Variants in PREX2 observed in about 807,000 individuals in gnomAD.
The protein encoded by PREX2 is phosphatidylinositol-3,4,5-trisphosphate dependent Rac exchange factor 2.
In PREX2, 107 loss-of-function variants were observed where a neutral mutation model predicts 203.2. The ratio of observed to expected loss-of-function variants is 0.53; its 90% CI spans 0.45 to 0.62. PREX2 has a LOEUF of 0.62. PREX2 is among the 20% of genes least tolerant of loss of function. The pLI is 0.00. For missense variants in PREX2, 1,777 were observed against 1,955.9 expected, an observed-to-expected ratio of 0.91 and a Z score of 1.72; for synonymous variants, 672 against 663.6, an observed-to-expected ratio of 1.01 and a Z score of -0.19.
At chr8:68,105,011 G>A (rs921132008) in intron 23 of PREX2, 2 of 618,906 alleles carry the variant, frequency 3.2e-6, no homozygotes, top group African/African-American at 1.9e-5. Context: ...AGATTAATGA[G>A]TTCAGTGTTT....
intron 5 of PREX2, among the ~76,000 whole-genome samples, chr8:68,029,821 G>T (rs1289216859): frequency 1.3e-5 from 2 of 151,920 alleles, no homozygotes; most frequent in Non-Finnish European, 2.9e-5. Context: ...TTGATGAATG[G>T]GAAAAATATA....
At chr8:67,976,796 G>GGA (rs149222768) in intron 1 of PREX2, among the ~76,000 whole-genome samples, 14 of 130,432 alleles carry the variant, frequency 1.1e-4, no homozygotes, top group African/African-American at 1.9e-4. Context: ...GAGCGAGAGG[G>GGA]GAGAGAGAGA....
intron 37 of PREX2, among the ~76,000 whole-genome samples, chr8:68,205,319 G>A (rs1423975109): frequency 1.3e-5 from 2 of 152,080 alleles, no homozygotes. Context: ...CCACATAAAA[G>A]TATTTATGTG....
rs542301833 is a variant in PREX2, at chr8:68,124,552, C to T, written c.3725-2826C>T. On this transcript the variant is annotated intron_variant, in intron 30 of 39. Coordinates refer to ENST00000288368, the MANE Select transcript of PREX2 (RefSeq NM_024870.4). ...TACTTAATGGGTATTAGGCTTAATA[C>T]CTGGGTGATGAAATAATCTGTACAA... Among the ~76,000 whole-genome samples the T allele has an allele frequency of 2.0e-5, 3 of 152,040 alleles. No individual in the cohort carries two copies. The South Asian group carries it at 6.2e-4, about 32-fold the overall frequency.
chr8:68,194,628 T>TAA (rs58657916), intron 37 of PREX2, among the ~76,000 whole-genome samples: 4 of 139,388 alleles, frequency 2.9e-5, no homozygotes, highest in African/African-American at 8.1e-5. Flanking sequence ...TCATCTCTAC[T>TAA]AAAAAAAAAA....
intron 14 of PREX2, among the ~76,000 whole-genome samples, chr8:68,074,810 C>A (rs1239593907): frequency 3.9e-5 from 6 of 152,132 alleles, no homozygotes; most frequent in African/African-American, 1.2e-4. Context: ...AGTAAAAAAA[C>A]TGGCTCTACT....
chr8:68,047,201 T>G (rs1028322891), intron 8 of PREX2, among the ~76,000 whole-genome samples: 3 of 151,940 alleles, frequency 2.0e-5, no homozygotes, highest in African/African-American at 7.3e-5. Context: ...CTTTGTTGTT[T>G]CCTTGGTCAT....
intron 34 of PREX2, among the ~76,000 whole-genome samples, chr8:68,147,504 C>A (rs999158158): frequency 6.6e-6 from 1 of 152,144 alleles, no homozygotes; most frequent in African/African-American, 2.4e-5. Flanking sequence ...CACAAGCCCT[C>A]TCCTCTTATC....
chr8:68,003,968 C>A (rs539914273), intron 1 of PREX2, among the ~76,000 whole-genome samples: 2 of 151,870 alleles, frequency 1.3e-5, no homozygotes, highest in Non-Finnish European at 2.9e-5. Flanking sequence ...CCTGCCTCAG[C>A]CTCCCAAGTA....
At chr8:68,199,045 A>G (rs964553125) in intron 37 of PREX2, among the ~76,000 whole-genome samples, 2 of 152,180 alleles carry the variant, frequency 1.3e-5, no homozygotes, top group Non-Finnish European at 2.9e-5. Context: ...TCCAGGAAAC[A>G]GGGTCCTGGA....
chr8:68,111,269 T>A (rs1460278621), intron 25 of PREX2, among the ~76,000 whole-genome samples: 1 of 152,184 alleles, frequency 6.6e-6, no homozygotes, highest in Non-Finnish European at 1.5e-5. Flanking sequence ...TATTTTGGGA[T>A]GAGTCTTGTC....
intron 1 of PREX2, among the ~76,000 whole-genome samples, chr8:67,954,233 G>A (rs929713969): frequency 1.4e-4 from 22 of 152,124 alleles, no homozygotes; most frequent in Admixed American, 5.2e-4. Flanking sequence ...ATCTCTTTCA[G>A]AATTTATGGG....
chr8:68,167,426 CA>C (rs1400271988), intron 35 of PREX2, among the ~76,000 whole-genome samples: 4 of 151,796 alleles, frequency 2.6e-5, no homozygotes, highest in African/African-American at 9.7e-5. Context: ...CTCTGCCTCC[CA>C]GGTTCAAGCT....
intron 1 of PREX2, among the ~76,000 whole-genome samples, chr8:67,987,909 G>A (rs1225845216): frequency 1.6e-5 from 2 of 125,642 alleles, no homozygotes; most frequent in African/African-American, 7.0e-5. Flanking sequence ...GTGGCAGCCA[G>A]GGAGTGTGTG....
At chr8:68,060,913 A>G (rs1808831134) in intron 11 of PREX2, 134 bp downstream of exon 11, 1 of 636,892 alleles carries the variant, frequency 1.6e-6, no homozygotes, top group Non-Finnish European at 2.7e-6. Flanking sequence ...TTCAGTACCT[A>G]ATAAGTGTAG....
chr8:68,098,936 G>GTGTATA (rs1300880423), intron 22 of PREX2, among the ~76,000 whole-genome samples: 3 of 74,840 alleles, frequency 4.0e-5, no homozygotes, highest in African/African-American at 9.9e-5. Context: ...ACATATATAT[G>GTGTATA]TGTATATATA....
At chr8:68,194,393 A>T (rs1812353956) in intron 37 of PREX2, among the ~76,000 whole-genome samples, 2 of 152,216 alleles carry the variant, frequency 1.3e-5, no homozygotes, top group Admixed American at 6.5e-5. Context: ...GGTAGAGAAA[A>T]GATAGGCAGA....
At chr8:68,045,320 C>T (rs1246041698) in intron 8 of PREX2, among the ~76,000 whole-genome samples, 3 of 151,992 alleles carry the variant, frequency 2.0e-5, no homozygotes, top group East Asian at 1.9e-4. Context: ...TATGCTTCTA[C>T]GAGAAAAGAC....
chr8:68,148,141 G>T (rs1393668076), intron 34 of PREX2, among the ~76,000 whole-genome samples: 1 of 152,098 alleles, frequency 6.6e-6, no homozygotes, highest in African/African-American at 2.4e-5. Context: ...CAGCTACTCG[G>T]GAGGCTGAGG....
Sources: gnomAD v4.1 joint callset for allele counts (sites outside exome capture counted in the v4.1 genomes callset) on GRCh38, gnomAD v4.1.1 for gene constraint, MANE v1.5 for transcripts, NCBI Gene and HGNC (gene_info 2026-07-23, HGNC 2026-07-21) for gene names.